UNC45B: variants seen among roughly 807,000 people sequenced by gnomAD.
The protein encoded by UNC45B is unc-45 myosin chaperone B.
UNC45B carries 78 observed loss-of-function variants against 98.7 expected under a neutral mutation model. That is an observed-to-expected ratio of 0.79 (90% CI 0.66 to 0.95). The LOEUF (loss-of-function observed/expected upper bound fraction) is 0.95, where lower values mean the gene tolerates loss of function less well. UNC45B is among the 40% of genes least tolerant of loss of function. The pLI, the probability that UNC45B is intolerant of heterozygous loss-of-function variation, is 0.00. For missense variants in UNC45B, 1,225 were observed against 1,184.9 expected (o/e 1.03, Z -0.50); for synonymous variants, 462 against 480.4 (o/e 0.96, Z 0.50).
Position 35,186,689 on chromosome 17 carries a change from A to C in UNC45B, c.*130A>C. ...AATGAAGTCTCAATATAAAGGAAAG[A>C]CTTGATTGTTCTCTGAGTTGTGAGT... On this transcript the variant is annotated 3_prime_UTR_variant, in exon 20 of 20. Transcript: ENST00000394570. 9.2e-7 allele frequency: 1 copy of C among 1,085,748 alleles called. No homozygotes were observed. The highest frequency in any genetic ancestry group is 1.3e-6 in the Non-Finnish European group (1 of 771,358). The allele number at this position is 1,085,748 out of a possible 1,614,324, so 67.3% of individuals were successfully genotyped here.
intron 19 of UNC45B, 24 bp from the exon 20 acceptor site, chr17:35,186,275 C>T (rs372012596): frequency 3.2e-5 from 51 of 1,611,580 alleles, no homozygotes; most frequent in African/African-American, 2.1e-4. Flanking sequence ...CTAGCACCTT[C>T]CTTACCTTTT....
chr17:35,159,784 G>A (rs1376461853), intron 8 of UNC45B, among the ~76,000 whole-genome samples: 1 of 152,218 alleles, frequency 6.6e-6, no homozygotes, highest in Non-Finnish European at 1.5e-5. Flanking sequence ...AAACATGTGG[G>A]TGAAGCAACC....
At chr17:35,161,931 A>T (rs1319104245) in intron 8 of UNC45B, among the ~76,000 whole-genome samples, 1 of 152,168 alleles carries the variant, frequency 6.6e-6, no homozygotes, top group Non-Finnish European at 1.5e-5. Flanking sequence ...CCCTAGCCAA[A>T]GGGGCTTAAA....
Position 35,159,529 on chromosome 17 carries a change from C to G in UNC45B, c.963C>G (p.Ile321Met). The change falls in exon 8 of 20, where the codon ATC becomes ATG. Residue 321 changes from isoleucine to methionine, a missense_variant. Coordinates refer to ENST00000394570, the MANE Select transcript of UNC45B (RefSeq NM_001267052.2). ...CCATTCATGACAACTCACGTACCAT[C>G]TATGTGGTGGATAATGGTGAGAAGA... ...DLAIHDNSRT[I>M]YVVDNGLRKI... 1 of 1,613,904 alleles carries G rather than the reference C, an allele frequency of 6.2e-7. No individual in the cohort carries two copies. Among genetic ancestry groups the G allele is most frequent in the South Asian group, 1.1e-5 (1 of 91,044 alleles).
rs914187938 is a variant in UNC45B at position 35,149,087 on chromosome 17, T to G, written c.205+78T>G. ...CTGGGTTTTAATCTAGTTACCATTT[T>G]GGGGGAAGAAACAGTGAGTATGGAG... On this transcript the variant is annotated intron_variant, in intron 3 of 19. Transcript: ENST00000394570. The G allele has an allele frequency of 3.2e-6, 5 of 1,551,648 alleles. No homozygotes were observed. In the South Asian group the frequency reaches 4.5e-5, roughly 14 times the overall value.
chr17:35,150,318 C>T, intron 4 of UNC45B, 95 bp downstream of exon 4: 1 of 1,347,092 alleles, frequency 7.4e-7, no homozygotes, highest in Non-Finnish European at 1.0e-6. Context: ...CAGGGCAGGG[C>T]TAGCCCTACC....
At chr17:35,155,192 C>A in intron 6 of UNC45B, 104 bp from the exon 7 acceptor site, 1 of 1,408,618 alleles carries the variant, frequency 7.1e-7, no homozygotes, top group Non-Finnish European at 9.6e-7. Flanking sequence ...GATTTCTCTA[C>A]TGCATGGGAT....
At chr17:35,170,333 C>T (rs1363170429) in intron 12 of UNC45B, 78 bp downstream of exon 12, 1 of 1,441,204 alleles carries the variant, frequency 6.9e-7, no homozygotes, top group Non-Finnish European at 9.2e-7. Flanking sequence ...GAATGGATCC[C>T]AGTCTTCCTC....
intron 17 of UNC45B, 134 bp from the exon 18 acceptor site, chr17:35,180,425 C>T: frequency 1.5e-6 from 1 of 686,424 alleles, no homozygotes; most frequent in Non-Finnish European, 2.5e-6. Context: ...AGTGTGATGC[C>T]ACATAAACCA....
At chr17:35,165,836 G>A (rs1405645804) in intron 9 of UNC45B, among the ~76,000 whole-genome samples, 1 of 151,968 alleles carries the variant, frequency 6.6e-6, no homozygotes, top group African/African-American at 2.4e-5. Context: ...CTACTAGGGA[G>A]GCTGAGGCAG....
At chr17:35,168,788 C>G (rs972948014) in intron 10 of UNC45B, among the ~76,000 whole-genome samples, 1 of 152,178 alleles carries the variant, frequency 6.6e-6, no homozygotes, top group African/African-American at 2.4e-5. Flanking sequence ...CTCACTGCAA[C>G]CTCCGCCTCC....
intron 8 of UNC45B, 78 bp downstream of exon 8, chr17:35,159,623 G>A (rs1226125168): frequency 2.0e-6 from 3 of 1,511,646 alleles, no homozygotes; most frequent in African/African-American, 2.8e-5. Flanking sequence ...AATGGAAGAT[G>A]TGAGGCTCTT....
chr17:35,183,064 G>T (rs1436449113), intron 18 of UNC45B, among the ~76,000 whole-genome samples: 1 of 151,630 alleles, frequency 6.6e-6, no homozygotes, highest in Non-Finnish European at 1.5e-5. Flanking sequence ...GACCCTGAAG[G>T]CCCATCCATT....
Position 35,171,374 on chromosome 17 carries a change from C to T in UNC45B, c.1742C>T (p.Thr581Ile), listed in dbSNP as rs751485125. The change falls in exon 13 of 20, where the codon ACC (threonine) becomes ATC (isoleucine). Residue 581 changes from threonine to isoleucine, a missense_variant. Coordinates refer to ENST00000394570, the MANE Select transcript of UNC45B (RefSeq NM_001267052.2). ...YSVATTLVNC[T>I]NSYDVKEVIP... The stretch of plus-strand genomic sequence containing the variant: ...GTGGCCACCACCCTGGTGAACTGCA[C>T]CAACAGCTACGATGTCAAGGAGGTC... 6.2e-7 allele frequency: 1 copy of T among 1,614,240 alleles called. No homozygotes were observed. Among genetic ancestry groups the T allele is most frequent in the Non-Finnish European group, 8.5e-7 (1 of 1,180,040 alleles).
At chr17:35,149,809 C>T (rs2092003107) in intron 3 of UNC45B, among the ~76,000 whole-genome samples, 1 of 152,196 alleles carries the variant, frequency 6.6e-6, no homozygotes, top group South Asian at 2.1e-4. Flanking sequence ...GTAGCAGAGA[C>T]TGGAGCGTTA....
intron 19 of UNC45B, among the ~76,000 whole-genome samples, chr17:35,184,878 T>C (rs1386082791): frequency 6.6e-6 from 1 of 152,184 alleles, no homozygotes; most frequent in Non-Finnish European, 1.5e-5. Flanking sequence ...CCCATGGCCA[T>C]GTTGGATGCT....
chr17:35,174,635 CAT>C (rs1033411547), intron 14 of UNC45B, among the ~76,000 whole-genome samples: 1 of 152,032 alleles, frequency 6.6e-6, no homozygotes. Flanking sequence ...GCTTGGGAAA[CAT>C]ATTGAGACCC....
intron 8 of UNC45B, 135 bp downstream of exon 8, chr17:35,159,680 C>G (rs1461238172): frequency 2.0e-6 from 2 of 994,052 alleles, no homozygotes; most frequent in Non-Finnish European, 2.9e-6. Flanking sequence ...AGGCATTGGC[C>G]CATCAGGATC....
chr17:35,150,579 G>T (rs1158979679), intron 4 of UNC45B, among the ~76,000 whole-genome samples: 2 of 152,086 alleles, frequency 1.3e-5, no homozygotes, highest in Non-Finnish European at 2.9e-5. Flanking sequence ...GGGAAACCCC[G>T]TCTCTACTAA....
Sources: gnomAD v4.1 joint callset for allele counts (sites outside exome capture counted in the v4.1 genomes callset) on GRCh38, gnomAD v4.1.1 for gene constraint, MANE v1.5 for transcripts, NCBI Gene and HGNC (gene_info 2026-07-23, HGNC 2026-07-21) for gene names.